PAM: variants seen among roughly 807,000 people sequenced by gnomAD.
PAM encodes the protein peptidyl-glycine alpha-amidating monooxygenase.
Under a neutral mutation model 122.1 loss-of-function variants are expected in PAM, and 72 were observed. That is an observed-to-expected ratio of 0.59 (90% confidence interval 0.49 to 0.72). PAM has a LOEUF of 0.72. Among genes scored for constraint, PAM ranks in the 30% least tolerant of loss-of-function variants. PAM has a pLI of 0.00. For synonymous variants in PAM, 389 were observed against 404.4 expected, an observed-to-expected ratio of 0.96 and a Z score of 0.46; for missense variants, 1,106 against 1,183.7, an observed-to-expected ratio of 0.93 and a Z score of 0.96.
rs182172728 is a variant in PAM, at chr5:102,820,867, T to C, written c.-373-44956T>C. On this transcript the variant is annotated intron_variant, in intron 1 of 25. Coordinates refer to ENST00000438793, the MANE Select transcript of PAM (RefSeq NM_001177306.2). ...AAAGGAATTAAATTTAAAAACATTCTGAAGAACCCTGGAATACACTCATTG... is the reference window on the plus strand; with the variant it reads ...AAAGGAATTAAATTTAAAAACATTCCGAAGAACCCTGGAATACACTCATTG... Among the ~76,000 whole-genome samples, 853 of 152,288 alleles carry C rather than the reference T, an allele frequency of 5.6e-3. 8 individuals carry two copies. Among genetic ancestry groups the C allele is most frequent in the African/African-American group, 0.02 (826 of 41,558 alleles).
chr5:103,002,790 G>A (rs1454483883), intron 16 of PAM, among the ~76,000 whole-genome samples: 1 of 152,148 alleles, frequency 6.6e-6, no homozygotes, highest in Non-Finnish European at 1.5e-5. Context: ...TTCAGGTCCA[G>A]TAGGTCTGAA....
intron 4 of PAM, among the ~76,000 whole-genome samples, chr5:102,907,984 C>A (rs1290792830): frequency 1.3e-5 from 2 of 151,854 alleles, no homozygotes; most frequent in African/African-American, 2.4e-5. Context: ...TAATTAGATC[C>A]CATTTGTCAA....
At chr5:102,777,524 G>T (rs76725222) in intron 1 of PAM, among the ~76,000 whole-genome samples, 14 of 152,174 alleles carry the variant, frequency 9.2e-5, no homozygotes, top group Non-Finnish European at 1.6e-4. Flanking sequence ...GTATTTAAGT[G>T]GGAGTTTCTG....
intron 1 of PAM, among the ~76,000 whole-genome samples, chr5:102,803,210 GAAGGAAGGAAGGAAGGAAGGA>G (rs1765345536): frequency 2.0e-5 from 1 of 49,914 alleles, no homozygotes; most frequent in Admixed American, 2.3e-4. Context: ...AGGAAGGAAA[GAAGGAAGGAAGGAAGGAAGGA>G]AGGGAAAAGT....
At chr5:102,943,019 T>C (rs2151916266) in intron 7 of PAM, among the ~76,000 whole-genome samples, 1 of 152,332 alleles carries the variant, frequency 6.6e-6, no homozygotes, top group African/African-American at 2.4e-5. Context: ...TGCTCTAACC[T>C]TTACCTTCAC....
intron 14 of PAM, among the ~76,000 whole-genome samples, chr5:102,970,917 G>C (rs147693695): frequency 1.3e-5 from 2 of 151,798 alleles, no homozygotes; most frequent in African/African-American, 4.8e-5. Context: ...AGCAATTCTC[G>C]TGCCTCCGCC....
At chr5:102,995,125 T>A (rs555499726) in intron 16 of PAM, among the ~76,000 whole-genome samples, 2 of 152,280 alleles carry the variant, frequency 1.3e-5, no homozygotes, top group South Asian at 4.1e-4. Context: ...TTAAGATATC[T>A]GCCTGGGTTA....
intron 1 of PAM, among the ~76,000 whole-genome samples, chr5:102,839,404 G>T (rs1777951784): frequency 6.6e-6 from 1 of 151,986 alleles, no homozygotes; most frequent in African/African-American, 2.4e-5. Flanking sequence ...AGGCGTGGTG[G>T]TATGTGCCTG....
intron 1 of PAM, among the ~76,000 whole-genome samples, chr5:102,772,520 A>T (rs942408824): frequency 2.0e-5 from 3 of 152,102 alleles, no homozygotes; most frequent in Non-Finnish European, 4.4e-5. Flanking sequence ...TGCTTGTGCA[A>T]TTCAAGAGAT....
intron 5 of PAM, among the ~76,000 whole-genome samples, chr5:102,917,388 A>T (rs1172650922): frequency 6.6e-6 from 1 of 152,216 alleles, no homozygotes; most frequent in Non-Finnish European, 1.5e-5. Context: ...TTATTCTAAG[A>T]CATAGACAGC....
chr5:102,844,895 T>A (rs923581377), intron 1 of PAM, among the ~76,000 whole-genome samples: 1 of 152,108 alleles, frequency 6.6e-6, no homozygotes, highest in African/African-American at 2.4e-5. Flanking sequence ...ACAGGAGTAG[T>A]TTTTACATAC....
At chr5:102,940,038 G>A (rs1330849231) in intron 7 of PAM, among the ~76,000 whole-genome samples, 1 of 151,468 alleles carries the variant, frequency 6.6e-6, no homozygotes, top group Non-Finnish European at 1.5e-5. Flanking sequence ...TAAAACAAAA[G>A]AGAGACAACA....
chr5:102,988,645 AG>A lies in PAM; in HGVS notation c.1484-1625del, dbSNP rs879894390. Among the ~76,000 whole-genome samples the A allele has an allele frequency of 6.8e-3, 980 of 143,080 alleles. 7 individuals carry two copies. The highest frequency in any genetic ancestry group is 0.012 in the Non-Finnish European group (808 of 67,748). 93.9% of individuals were successfully genotyped at this position (143,080 alleles called of 152,430 possible). A position where few individuals can be genotyped will look rare whatever the true frequency, so the allele number is the denominator to read the frequency against. On this transcript the variant is annotated intron_variant, in intron 15 of 25. Transcript: ENST00000438793. ...AAGGAAAGGGAAAAAAAAGAAGGAA[AG>A]GAAAGGGAAGGGGAGGAAAGGAAAG...
chr5:102,993,987 A>T (rs1047946188), intron 16 of PAM, among the ~76,000 whole-genome samples: 1 of 152,130 alleles, frequency 6.6e-6, no homozygotes. Flanking sequence ...GTGGGAGTAG[A>T]GTCAACATTA....
chr5:102,765,955 T>C (rs1018672907), intron 1 of PAM, among the ~76,000 whole-genome samples: 1 of 152,212 alleles, frequency 6.6e-6, no homozygotes, highest in African/African-American at 2.4e-5. Context: ...AAGTTAAGAA[T>C]TGAACATCTT....
chr5:102,963,092 T>TA (rs1467277457), intron 14 of PAM, among the ~76,000 whole-genome samples: 1 of 151,880 alleles, frequency 6.6e-6, no homozygotes, highest in East Asian at 1.9e-4. Flanking sequence ...GTGGGCCCAT[T>TA]AAAATGTCAT....
intron 1 of PAM, among the ~76,000 whole-genome samples, chr5:102,765,328 C>G (rs150879682): frequency 3.3e-5 from 5 of 152,216 alleles, no homozygotes; most frequent in Non-Finnish European, 7.4e-5. Flanking sequence ...CCAAGCCTCC[C>G]TTCTTTCATT....
At chr5:102,863,893 T>C (rs1784810877) in intron 1 of PAM, among the ~76,000 whole-genome samples, 1 of 151,246 alleles carries the variant, frequency 6.6e-6, no homozygotes, top group Admixed American at 6.6e-5. Context: ...GTTCTATTCA[T>C]GGCTACAAAT....
intron 3 of PAM, among the ~76,000 whole-genome samples, chr5:102,886,473 T>A (rs1279538143): frequency 6.6e-6 from 1 of 152,086 alleles, no homozygotes; most frequent in Non-Finnish European, 1.5e-5. Context: ...TGCCACAACA[T>A]TTTTCCTCTT....
Sources: allele counts gnomAD v4.1 joint callset (sites outside exome capture counted in the v4.1 genomes callset), GRCh38; gene constraint gnomAD v4.1.1; transcripts MANE v1.5; gene names NCBI Gene and HGNC (gene_info 2026-07-23, HGNC 2026-07-21).